The following THSD7B variants were observed in gnomAD, a reference collection of about 807,000 sequenced individuals.
THSD7B encodes the protein thrombospondin type-1 domain-containing protein 7B.
A neutral mutation model predicts 213.6 loss-of-function variants in THSD7B; 138 were observed. The ratio of observed to expected loss-of-function variants is 0.65; its 90% CI spans 0.56 to 0.74. The LOEUF (loss-of-function observed/expected upper bound fraction) is 0.74, where lower values mean the gene tolerates loss of function less well. Ranked by LOEUF, THSD7B falls within the 30% of genes least tolerant of loss-of-function variation. The probability of loss-of-function intolerance (pLI) is 0.00; values close to 1 mark genes in which losing one functional copy is unlikely to be tolerated. For synonymous variants in THSD7B, 742 were observed against 687.0 expected (o/e 1.08, Z -1.25); for missense variants, 1,931 against 1,991.5 (o/e 0.97, Z 0.58).
At chr2:136,781,196 C>A (rs1197850779) in intron 1 of THSD7B, among the ~76,000 whole-genome samples, 2 of 151,576 alleles carry the variant, frequency 1.3e-5, no homozygotes, top group African/African-American at 4.9e-5. Context: ...TGCAAGCTGG[C>A]CCAACACAAA....
intron 1 of THSD7B, among the ~76,000 whole-genome samples, chr2:136,783,230 G>A (rs751286198): frequency 4.6e-5 from 7 of 152,076 alleles, no homozygotes; most frequent in South Asian, 2.1e-4. Flanking sequence ...TATACCTGCC[G>A]TATACCTTGT....
intron 10 of THSD7B, among the ~76,000 whole-genome samples, chr2:137,263,128 C>T (rs905050615): frequency 2.6e-5 from 4 of 152,154 alleles, no homozygotes; most frequent in East Asian, 3.9e-4. Context: ...GAGTGTGTTG[C>T]GTCTGCTACA....
intron 15 of THSD7B, among the ~76,000 whole-genome samples, chr2:137,549,026 C>T (rs976894928): frequency 6.6e-6 from 1 of 151,918 alleles, no homozygotes; most frequent in Admixed American, 6.6e-5. Context: ...TATATCAAGC[C>T]TTCTTCCAGC....
intron 14 of THSD7B, among the ~76,000 whole-genome samples, chr2:137,435,238 C>T (rs1489289404): frequency 1.3e-5 from 2 of 152,032 alleles, no homozygotes; most frequent in African/African-American, 4.8e-5. Flanking sequence ...TGGAGCCATG[C>T]CTGAGGATGG....
chr2:137,401,869 T>G (rs1424186843), intron 12 of THSD7B, among the ~76,000 whole-genome samples: 2 of 152,190 alleles, frequency 1.3e-5, no homozygotes, highest in Non-Finnish European at 2.9e-5. Flanking sequence ...GTTAATTCAG[T>G]GAATGTGTCT....
intron 2 of THSD7B, among the ~76,000 whole-genome samples, chr2:136,955,119 G>A (rs1258215979): frequency 3.3e-5 from 5 of 152,174 alleles, no homozygotes; most frequent in Admixed American, 2.0e-4. Flanking sequence ...ATGCAGAAAC[G>A]AGCATCATGG....
intron 15 of THSD7B, among the ~76,000 whole-genome samples, chr2:137,491,909 G>A (rs1679415931): frequency 6.6e-6 from 1 of 152,054 alleles, no homozygotes; most frequent in Non-Finnish European, 1.5e-5. Flanking sequence ...ATGATTTTCT[G>A]ATTTTATTAA....
At chr2:137,428,373 G>A (rs1221265406) in intron 14 of THSD7B, among the ~76,000 whole-genome samples, 1 of 152,244 alleles carries the variant, frequency 6.6e-6, no homozygotes, top group Non-Finnish European at 1.5e-5. Flanking sequence ...TGATTCAGCT[G>A]CTTTGAAAAA....
chr2:136,834,121 G>A (rs1316265247), intron 1 of THSD7B, among the ~76,000 whole-genome samples: 1 of 152,164 alleles, frequency 6.6e-6, no homozygotes, highest in African/African-American at 2.4e-5. Context: ...TTTGGTAAAT[G>A]ACACTGCCCT....
At chr2:137,354,843 C>A (rs1373791137) in intron 12 of THSD7B, among the ~76,000 whole-genome samples, 1 of 146,816 alleles carries the variant, frequency 6.8e-6, no homozygotes, top group Non-Finnish European at 1.5e-5. Flanking sequence ...TTTTTTTTTT[C>A]TAAGTCTTGA....
intron 10 of THSD7B, among the ~76,000 whole-genome samples, chr2:137,248,842 T>C (rs970386094): frequency 1.4e-4 from 22 of 152,210 alleles, no homozygotes; most frequent in African/African-American, 5.3e-4. Context: ...TCTTTTTTGT[T>C]TCTTCTGTAA....
At chr2:137,609,131 C>G (rs999933268) in intron 17 of THSD7B, among the ~76,000 whole-genome samples, 8 of 152,144 alleles carry the variant, frequency 5.3e-5, no homozygotes, top group African/African-American at 1.9e-4. Context: ...CCAGACTGCC[C>G]TTGCAAAGCT....
chr2:137,377,540 C>G (rs530320235), intron 12 of THSD7B, among the ~76,000 whole-genome samples: 1 of 151,898 alleles, frequency 6.6e-6, no homozygotes, highest in African/African-American at 2.4e-5. Context: ...GACGTGATGT[C>G]TGAGCTCAGT....
intron 15 of THSD7B, among the ~76,000 whole-genome samples, chr2:137,505,071 G>A (rs1334919139): frequency 2.0e-5 from 3 of 151,998 alleles, no homozygotes; most frequent in Non-Finnish European, 2.9e-5. Context: ...AAATATTTTA[G>A]AATGCAGTCC....
intron 2 of THSD7B, among the ~76,000 whole-genome samples, chr2:136,978,472 C>A (rs894946710): frequency 6.6e-6 from 1 of 152,112 alleles, no homozygotes; most frequent in African/African-American, 2.4e-5. Context: ...TCTAGGTGCT[C>A]CTGTATTGAG....
chr2:136,932,368 T>C (rs1684645384), intron 2 of THSD7B, among the ~76,000 whole-genome samples: 1 of 152,156 alleles, frequency 6.6e-6, no homozygotes, highest in Non-Finnish European at 1.5e-5. Flanking sequence ...GGCAGGAAGA[T>C]ATGGAAACAG....
At chr2:137,242,651 G>T in intron 10 of THSD7B, 79 bp downstream of exon 10, 2 of 1,059,126 alleles carry the variant, frequency 1.9e-6, no homozygotes, top group South Asian at 1.5e-5. Context: ...AGAGGTTGTG[G>T]AATGTGAGCA....
chr2:137,026,309 C>T (rs1284393705), intron 2 of THSD7B, among the ~76,000 whole-genome samples: 1 of 152,178 alleles, frequency 6.6e-6, no homozygotes, highest in Non-Finnish European at 1.5e-5. Flanking sequence ...TCCTCTTCTA[C>T]ATCGTTCCCT....
intron 21 of THSD7B, among the ~76,000 whole-genome samples, chr2:137,646,057 G>C (rs540018231): frequency 1.3e-5 from 2 of 152,122 alleles, no homozygotes; most frequent in Admixed American, 6.5e-5. Flanking sequence ...TTTCATAACA[G>C]GCATAGAAAT....
Sources: allele counts gnomAD v4.1 joint callset (sites outside exome capture counted in the v4.1 genomes callset), GRCh38; gene constraint gnomAD v4.1.1; transcripts MANE v1.5; gene names NCBI Gene and HGNC (gene_info 2026-07-23, HGNC 2026-07-21).